Variants in GDPD1 observed in about 807,000 individuals in gnomAD.
GDPD1 encodes the protein glycerophosphodiester phosphodiesterase domain containing 1, also known as lysophospholipase D GDPD1.
In GDPD1, 28 loss-of-function variants were observed where a neutral mutation model predicts 45.1. The ratio of observed to expected loss-of-function variants is 0.62; its 90% CI spans 0.46 to 0.85. GDPD1 has a LOEUF of 0.85. Among genes scored for constraint, GDPD1 ranks in the 40% least tolerant of loss-of-function variants. GDPD1 has a pLI of 0.00. For synonymous variants in GDPD1, 139 were observed against 131.4 expected (o/e 1.06, Z -0.40); for missense variants, 256 against 364.8 (o/e 0.70, Z 2.43).
At chr17:59,263,686 G>A (rs2047377088) in intron 6 of GDPD1, among the ~76,000 whole-genome samples, 1 of 150,986 alleles carries the variant, frequency 6.6e-6, no homozygotes, top group Non-Finnish European at 1.5e-5. Flanking sequence ...CTCTATGTTG[G>A]TCAGGCCGGT....
At position 59,273,869 on chromosome 17, in the gene GDPD1, A is replaced by C; in HGVS notation, c.*96A>C. 7.6e-7 allele frequency: 1 copy of C among 1,323,700 alleles called. No individual in the cohort carries two copies. Among genetic ancestry groups the C allele is most frequent in the East Asian group, 2.8e-5 (1 of 36,110 alleles). The allele number at this position is 1,323,700 out of a possible 1,614,324, so 82.0% of individuals were successfully genotyped here. A position where few individuals can be genotyped will look rare whatever the true frequency, so the allele number is the denominator to read the frequency against. ...CCTAAGCCATTTCCAGAATGGTAAA[A>C]GGTTTAATCAGTTTTTATTACCTCA... On this transcript the variant is annotated 3_prime_UTR_variant, in exon 10 of 10. Coordinates refer to ENST00000284116, the MANE Select transcript of GDPD1 (RefSeq NM_182569.4).
intron 1 of GDPD1, among the ~76,000 whole-genome samples, chr17:59,224,116 C>A (rs1490781632): frequency 6.6e-6 from 1 of 152,094 alleles, no homozygotes; most frequent in East Asian, 1.9e-4. Context: ...ATATTGCATA[C>A]CGTGTCAACA....
At chr17:59,273,555 C>T in intron 9 of GDPD1, 96 bp from the exon 10 acceptor site, 2 of 564,028 alleles carry the variant, frequency 3.5e-6, no homozygotes, top group Admixed American at 7.2e-5. Context: ...AAGGTTATTT[C>T]TAAATGTACC....
chr17:59,232,958 G>T (rs552490494), intron 1 of GDPD1, among the ~76,000 whole-genome samples: 1 of 152,252 alleles, frequency 6.6e-6, no homozygotes, highest in Admixed American at 6.5e-5. Context: ...GCTCACACCC[G>T]TAATCCCAGC....
chr17:59,258,785 C>G (rs2047329304), intron 6 of GDPD1, among the ~76,000 whole-genome samples: 2 of 151,936 alleles, frequency 1.3e-5, no homozygotes, highest in South Asian at 2.1e-4. Flanking sequence ...CTTTTAATCA[C>G]TGTCTTGTGT....
intron 2 of GDPD1, among the ~76,000 whole-genome samples, chr17:59,243,801 A>C (rs2047192136): frequency 6.6e-6 from 1 of 152,228 alleles, no homozygotes; most frequent in Non-Finnish European, 1.5e-5. Flanking sequence ...ACTGAGTTGG[A>C]ATTAATTAAA....
chr17:59,265,479 A>G (rs535780752), intron 6 of GDPD1, among the ~76,000 whole-genome samples: 2 of 152,102 alleles, frequency 1.3e-5, no homozygotes, highest in African/African-American at 2.4e-5. Context: ...CTAGGCTTCA[A>G]TGAGCCATGA....
At chr17:59,236,813 C>T (rs1399774450) in intron 2 of GDPD1, among the ~76,000 whole-genome samples, 2 of 151,970 alleles carry the variant, frequency 1.3e-5, no homozygotes, top group Non-Finnish European at 2.9e-5. Flanking sequence ...CCCAACCTTT[C>T]ATATGCTATT....
At chr17:59,251,647 C>T (rs1248738378) in intron 4 of GDPD1, among the ~76,000 whole-genome samples, 1 of 151,938 alleles carries the variant, frequency 6.6e-6, no homozygotes, top group African/African-American at 2.4e-5. Context: ...TCATAATTGA[C>T]TTTAGGACTG....
chr17:59,257,264 G>A (rs369201591), intron 5 of GDPD1, 24 bp downstream of exon 5: 1 of 1,182,114 alleles, frequency 8.5e-7, no homozygotes, highest in African/African-American at 1.5e-5. Context: ...TGCCTCCTCT[G>A]GGTGTGTTGC....
intron 7 of GDPD1, 101 bp from the exon 8 acceptor site, chr17:59,270,835 A>G (rs1051746420): frequency 1.4e-6 from 1 of 693,062 alleles, no homozygotes; most frequent in Non-Finnish European, 2.4e-6. Flanking sequence ...GAGAATATAC[A>G]AAGTACAAGG....
intron 1 of GDPD1, among the ~76,000 whole-genome samples, chr17:59,231,344 T>G (rs1474230286): frequency 6.7e-6 from 1 of 148,628 alleles, no homozygotes; most frequent in Non-Finnish European, 1.5e-5. Context: ...TTTTTTTTTT[T>G]GAGACGGAGT....
At chr17:59,257,705 A>C in intron 5 of GDPD1, 46 bp from the exon 6 acceptor site, 1 of 1,169,266 alleles carries the variant, frequency 8.6e-7, no homozygotes, top group Non-Finnish European at 1.3e-6. Flanking sequence ...TTGTTAGTGG[A>C]TTTGCAAATA....
At chr17:59,248,068 C>G (rs965432906) in intron 3 of GDPD1, among the ~76,000 whole-genome samples, 2 of 151,784 alleles carry the variant, frequency 1.3e-5, no homozygotes, top group Non-Finnish European at 2.9e-5. Context: ...GATTATTTCT[C>G]TAAATATACT....
chr17:59,267,321 A>G (rs999417110), intron 7 of GDPD1, 147 bp downstream of exon 7: 2 of 676,554 alleles, frequency 3.0e-6, no homozygotes, highest in East Asian at 2.8e-5. Context: ...ATGCATTTTT[A>G]TATAATTAAG....
chr17:59,225,994 T>C (rs1404463879), intron 1 of GDPD1, among the ~76,000 whole-genome samples: 1 of 152,194 alleles, frequency 6.6e-6, no homozygotes, highest in Non-Finnish European at 1.5e-5. Context: ...GTGCTGGGAT[T>C]ACAGGCATGA....
chr17:59,247,545 G>A (rs1225005318), intron 3 of GDPD1, among the ~76,000 whole-genome samples: 1 of 152,050 alleles, frequency 6.6e-6, no homozygotes, highest in East Asian at 1.9e-4. Context: ...ATTCTCCTGT[G>A]TGGATATATA....
chr17:59,273,886 A>G lies in GDPD1; in HGVS notation c.*113A>G. ...ATGGTAAAAGGTTTAATCAGTTTTT[A>G]TTACCTCATTTTTAAGCCTGTATGA... On this transcript the variant is annotated 3_prime_UTR_variant, in exon 10 of 10. Transcript: ENST00000284116. 1.6e-6 allele frequency: 2 copies of G among 1,241,220 alleles called. No individual in the cohort carries two copies. The highest frequency in any genetic ancestry group is 2.0e-6 in the Non-Finnish European group (2 of 981,010). 76.9% of individuals were successfully genotyped at this position (1,241,220 alleles called of 1,614,324 possible). A position where few individuals can be genotyped will look rare whatever the true frequency, so the allele number is the denominator to read the frequency against.
chr17:59,250,201 A>AT (rs2147889954), intron 4 of GDPD1, among the ~76,000 whole-genome samples: 1 of 152,306 alleles, frequency 6.6e-6, no homozygotes, highest in East Asian at 1.9e-4. Context: ...AACTTATACG[A>AT]TTATACTTGC....
Sources: gnomAD v4.1 joint callset for allele counts (sites outside exome capture counted in the v4.1 genomes callset) on GRCh38, gnomAD v4.1.1 for gene constraint, MANE v1.5 for transcripts, NCBI Gene and HGNC (gene_info 2026-07-23, HGNC 2026-07-21) for gene names.